NLGN4X: variants seen among roughly 807,000 people sequenced by gnomAD.
NLGN4X encodes neuroligin 4 X-linked, also known as neuroligin-4, X-linked.
In NLGN4X, 3 loss-of-function variants were observed where a neutral mutation model predicts 40.3. That is an observed-to-expected ratio of 0.07 (90% CI 0.03 to 0.19). NLGN4X has a LOEUF of 0.19. NLGN4X is among the 10% of genes least tolerant of loss of function. NLGN4X has a pLI of 1.00. For missense variants in NLGN4X, 382 were observed against 708.3 expected (o/e 0.54, Z 5.23); for synonymous variants, 270 against 306.8 (o/e 0.88, Z 1.25).
At chrX:6,167,069 C>CAAAAAAAAAAAAA (rs869227439) in intron 1 of NLGN4X, among the ~76,000 whole-genome samples, 2 of 59,284 alleles carry the variant, frequency 3.4e-5, no homozygotes, top group Admixed American at 2.0e-4. Flanking sequence ...GAAACTGTCT[C>CAAAAAAAAAAAAA]AAAAAAAAAA....
intron 3 of NLGN4X, among the ~76,000 whole-genome samples, chrX:5,909,636 A>G (rs2032380068): frequency 1.0e-5 from 1 of 96,385 alleles, no homozygotes; most frequent in Non-Finnish European, 2.0e-5. Flanking sequence ...CAGGGAAAAC[A>G]GTACGTGTGT....
At chrX:6,100,951 A>G (rs2038895106) in intron 2 of NLGN4X, among the ~76,000 whole-genome samples, 1 of 111,436 alleles carries the variant, frequency 9.0e-6, no homozygotes, top group African/African-American at 3.3e-5. Flanking sequence ...TTTATACTTG[A>G]GGCAGACTAG....
At chrX:6,220,182 T>A (rs1925528415) in intron 1 of NLGN4X, among the ~76,000 whole-genome samples, 1 of 111,694 alleles carries the variant, frequency 9.0e-6, no homozygotes. Context: ...TCACAGATAA[T>A]TGTTTCAAAC....
intron 2 of NLGN4X, among the ~76,000 whole-genome samples, chrX:6,029,683 T>TAC (rs10686548): frequency 1.8e-5 from 1 of 56,669 alleles, no homozygotes; most frequent in Non-Finnish European, 4.6e-5. Context: ...TCTAAGCTTC[T>TAC]ATATATATCT....
chrX:5,973,414 C>T (rs1420212196), intron 3 of NLGN4X, among the ~76,000 whole-genome samples: 2 of 112,764 alleles, frequency 1.8e-5, no homozygotes, highest in Admixed American at 9.4e-5. Flanking sequence ...TTATAACACA[C>T]TCTGTTGGCA....
At chrX:6,183,275 C>T (rs58647904) in intron 1 of NLGN4X, among the ~76,000 whole-genome samples, 3,240 of 112,332 alleles carry the variant, frequency 0.029, 124 homozygotes, top group African/African-American at 0.097. Context: ...TGGCCGGGCA[C>T]GGTGGCTCAC....
At chrX:5,989,782 C>T (rs1193270769) in intron 3 of NLGN4X, among the ~76,000 whole-genome samples, 1 of 111,374 alleles carries the variant, frequency 9.0e-6, no homozygotes, top group Non-Finnish European at 1.9e-5. Flanking sequence ...TTCCAAGACC[C>T]CCATTGGATG....
intron 3 of NLGN4X, among the ~76,000 whole-genome samples, chrX:5,978,832 G>A (rs1205912838): frequency 3.6e-5 from 4 of 111,558 alleles, no homozygotes; most frequent in African/African-American, 6.5e-5. Flanking sequence ...ATAGCAGGGC[G>A]TGGTGGCATG....
intron 3 of NLGN4X, among the ~76,000 whole-genome samples, chrX:5,940,056 G>A (rs906457563): frequency 2.7e-5 from 3 of 110,971 alleles, no homozygotes; most frequent in African/African-American, 9.8e-5. Context: ...TCAGCCATCT[G>A]CAAGGCTACT....
intron 2 of NLGN4X, among the ~76,000 whole-genome samples, chrX:6,047,869 C>G (rs771724571): frequency 8.9e-6 from 1 of 111,786 alleles, no homozygotes; most frequent in Non-Finnish European, 1.9e-5. Context: ...TGGCTGGGAT[C>G]TGAGTGCAGG....
chrX:5,959,189 G>A (rs1210468687), intron 3 of NLGN4X, among the ~76,000 whole-genome samples: 2 of 111,856 alleles, frequency 1.8e-5, no homozygotes, highest in Admixed American at 1.9e-4. Context: ...GACAAAACAA[G>A]TGGTGTTCTT....
At chrX:6,055,901 G>C (rs2037613250) in intron 2 of NLGN4X, among the ~76,000 whole-genome samples, 1 of 111,649 alleles carries the variant, frequency 9.0e-6, no homozygotes, top group South Asian at 3.7e-4. Context: ...TGTCTGCCAT[G>C]ATTTGATAGT....
intron 3 of NLGN4X, among the ~76,000 whole-genome samples, chrX:5,930,691 G>T: frequency 8.9e-6 from 1 of 112,394 alleles, no homozygotes; most frequent in African/African-American, 3.2e-5. Flanking sequence ...TGCTGCCAAA[G>T]AAACTGGGGT....
At chrX:5,896,340 G>C (rs752814537) in intron 5 of NLGN4X, among the ~76,000 whole-genome samples, 1 of 112,257 alleles carries the variant, frequency 8.9e-6, no homozygotes, top group East Asian at 2.8e-4. Flanking sequence ...AATTCTTAAA[G>C]CCAGATAAAC....
At chrX:6,015,408 C>T (rs758098389) in intron 3 of NLGN4X, among the ~76,000 whole-genome samples, 2 of 111,756 alleles carry the variant, frequency 1.8e-5, no homozygotes, top group Non-Finnish European at 3.8e-5. Context: ...CTCTCTCTGT[C>T]TCCCTCTCTT....
At chrX:5,908,070 A>G (rs2032294716) in intron 4 of NLGN4X, among the ~76,000 whole-genome samples, 1 of 88,054 alleles carries the variant, frequency 1.1e-5, no homozygotes, top group Non-Finnish European at 2.2e-5. Context: ...GAGGGAGGAG[A>G]GACAGTGGAA....
At position 6,224,977 on chromosome X, in the gene NLGN4X, C is replaced by CATATAT. The variant is rs34139921; in HGVS notation, c.-306+3558_-306+3563dup. ...CAAAGAAAATACTCTTTAAAATGGC[C>CATATAT]ATATATATATATATATATATATATA... On this transcript the variant is annotated intron_variant, in intron 1 of 5. Transcript: ENST00000381095. Among the ~76,000 whole-genome samples, 218 of 52,249 alleles carry CATATAT rather than the reference C, an allele frequency of 4.2e-3. 4 individuals carry two copies. Among genetic ancestry groups the CATATAT allele is most frequent in the African/African-American group, 0.019 (191 of 10,179 alleles). The allele number at this position is 52,249 out of a possible 115,157, so 45.4% of individuals were successfully genotyped here. A position where few individuals can be genotyped will look rare whatever the true frequency, so the allele number is the denominator to read the frequency against.
At chrX:6,182,636 C>G (rs1921580734) in intron 1 of NLGN4X, among the ~76,000 whole-genome samples, 1 of 111,665 alleles carries the variant, frequency 9.0e-6, no homozygotes, top group African/African-American at 3.3e-5. Context: ...AAGAGATGAT[C>G]CTGGGTTAGC....
chrX:6,113,982 G>A (rs924377539), intron 2 of NLGN4X, among the ~76,000 whole-genome samples: 10 of 110,520 alleles, frequency 9.0e-5, no homozygotes, highest in Middle Eastern at 4.6e-3. Context: ...CACTACGCCC[G>A]GCTAATTTTT....
Sources: allele counts gnomAD v4.1 joint callset (sites outside exome capture counted in the v4.1 genomes callset), GRCh38; gene constraint gnomAD v4.1.1; transcripts MANE v1.5; gene names NCBI Gene and HGNC (gene_info 2026-07-23, HGNC 2026-07-21).